Variants in JAG2 observed in about 807,000 individuals in gnomAD.
JAG2 encodes the protein jagged canonical Notch ligand 2.
In JAG2, 46 loss-of-function variants were observed where a neutral mutation model predicts 141.7. The ratio of observed to expected loss-of-function variants is 0.32; its 90% CI spans 0.26 to 0.42. The LOEUF is 0.42. JAG2 is among the 10% of genes least tolerant of loss of function. The pLI is 1.00. For missense variants in JAG2, 1,500 were observed against 1,817.5 expected, an observed-to-expected ratio of 0.83 and a Z score of 3.18; for synonymous variants, 862 against 763.5, an observed-to-expected ratio of 1.13 and a Z score of -2.13.
chr14:105,141,186 A>G lies in JAG2; in HGVS notation c.*1509T>C, dbSNP rs1888051422. The G allele has an allele frequency of 6.6e-6, 1 of 152,110 alleles. No homozygotes were observed. Among genetic ancestry groups the G allele is most frequent in the African/African-American group, 2.4e-5 (1 of 41,406 alleles). The allele number at this position is 152,110 out of a possible 1,614,324, so 9.4% of individuals were successfully genotyped here. On this transcript the variant is annotated 3_prime_UTR_variant, in exon 26 of 26. Coordinates refer to ENST00000331782, the MANE Select transcript of JAG2 (RefSeq NM_002226.5). ...CATCACTGACAGGCGGCTCGGAGTC[A>G]GCCTTGGAGTCGGCCTTCCATGCCC...
intron 1 of JAG2, 56 bp downstream of exon 1, chr14:105,168,299 G>C (rs1888986001): frequency 2.9e-6 from 2 of 687,202 alleles, no homozygotes; most frequent in East Asian, 1.2e-4. Context: ...CCGGCCCCTA[G>C]GGGCGGCCCG....
At chr14:105,158,824 G>A (rs970080049) in intron 2 of JAG2, among the ~76,000 whole-genome samples, 20 of 152,150 alleles carry the variant, frequency 1.3e-4, no homozygotes, top group African/African-American at 4.6e-4. Flanking sequence ...GGGATGCTGC[G>A]TTGGGCAGTG....
Position 105,152,026 on chromosome 14 carries a change from G to A in JAG2, c.951C>T (p.Cys317=), listed in dbSNP as rs780032169. 8.7e-6 allele frequency: 14 copies of A among 1,613,252 alleles called. No homozygotes were observed. The highest frequency in any genetic ancestry group is 1.2e-5 in the Non-Finnish European group (14 of 1,179,962). Residue 317 remains cysteine (C), a synonymous_variant, in exon 7 of 26, where the codon TGC becomes TGT. Coordinates refer to ENST00000331782, the MANE Select transcript of JAG2 (RefSeq NM_002226.5). ...DLNYCGSHHP[C]TNGGTCINAE... ...CGTTGATGCACGTGCCTCCGTTGGT[G>A]CAGGGGTGGTGGCTGCCACAGTAGT... is the stretch of plus-strand genomic sequence containing the variant.
At chr14:105,163,672 C>A (rs948913746) in intron 2 of JAG2, among the ~76,000 whole-genome samples, 13 of 151,780 alleles carry the variant, frequency 8.6e-5, no homozygotes, top group Middle Eastern at 3.4e-3. Flanking sequence ...GGGACAGTGA[C>A]CTCACTCAGA....
In JAG2 at chr14:105,143,082, C is replaced by T; in HGVS notation, c.3330G>A (p.Arg1110=). The T allele has an allele frequency of 1.2e-6, 2 of 1,600,576 alleles. No individual in the cohort carries two copies. The highest frequency in any genetic ancestry group is 1.7e-6 in the Non-Finnish European group (2 of 1,179,596). Residue 1110 remains arginine, a synonymous_variant, in exon 26 of 26, where the codon AGG becomes AGA. Transcript: ENST00000331782. ...VLCVWWTRKR[R]KERERSRLPR... The stretch of plus-strand genomic sequence containing the variant: ...GCAGCCGGCTCCTCTCCCGCTCTTT[C>T]CTGCGCTTGCGTGTCCACCACACGC...
rs1209305616 is a variant in JAG2, at chr14:105,142,842, G to A, written c.3570C>T (p.Ser1190=). 3 of 1,610,016 alleles carry A rather than the reference G, an allele frequency of 1.9e-6. No individual in the cohort carries two copies. Among genetic ancestry groups the A allele is most frequent in the South Asian group, 1.1e-5 (1 of 90,510 alleles). Residue 1190 remains serine, a synonymous_variant, in exon 26 of 26, where the codon TCC becomes TCT. Coordinates refer to ENST00000331782, the MANE Select transcript of JAG2 (RefSeq NM_002226.5). ...GTGAGAGGAACTTCTCCGCCTCCAG[G>A]GAGTCCTCCTCACCGCGGCCCAGAT... ...DEDLGRGEED[S]LEAEKFLSHK...
intron 2 of JAG2, among the ~76,000 whole-genome samples, chr14:105,162,153 G>A (rs1217442407): frequency 3.6e-4 from 55 of 152,076 alleles, no homozygotes; most frequent in Non-Finnish European, 5.9e-5. Context: ...CAAGCAGGGA[G>A]AGGAACCCAG....
At position 105,151,371 on chromosome 14, in the gene JAG2, C is replaced by T. The variant is rs147768578; in HGVS notation, c.1179G>A (p.Pro393=). The T allele has an allele frequency of 7.6e-5, 122 of 1,611,732 alleles. No individual in the cohort carries two copies. The African/African-American group carries it at 9.3e-4, about 12-fold the overall frequency. ...CCACACAGGTGCCACCGGCCGCACA[C>T]GGGTTCGAAGCACACTCATCGATGT... ...ALDIDECASN[P]CAAGGTCVDQ... Residue 393 remains proline (P), a synonymous_variant, in exon 9 of 26, where the codon CCG becomes CCA. Transcript: ENST00000331782.
chr14:105,162,693 A>T, intron 2 of JAG2, among the ~76,000 whole-genome samples: 1 of 35,144 alleles, frequency 2.8e-5, no homozygotes, highest in Non-Finnish European at 6.6e-5. Context: ...CAAGGCACCC[A>T]AAGTACAGAG....
chr14:105,149,231 A>C lies in JAG2; in HGVS notation c.1692T>G (p.Asp564Glu). Residue 564 changes from aspartate to glutamate, a missense_variant, in exon 13 of 26, where the codon GAT becomes GAG. Asp to Glu is a conservative substitution (Grantham distance 45, BLOSUM62 2). Transcript: ENST00000331782. ...CGGAGCAGTTCTTGCCACCAAAGTCATCAGGGCAGGCGCAGTAATAGTCAC... is the reference window on the plus strand; with the variant it reads ...CGGAGCAGTTCTTGCCACCAAAGTCCTCAGGGCAGGCGCAGTAATAGTCAC... ...LEGDYYCACP[D>E]DFGGKNCSVP... The C allele has an allele frequency of 1.9e-6, 3 of 1,611,986 alleles. No individual in the cohort carries two copies. Among genetic ancestry groups the C allele is most frequent in the Non-Finnish European group, 2.5e-6 (3 of 1,179,906 alleles).
chr14:105,151,816 A>AGCTG, intron 7 of JAG2, 77 bp from the exon 8 acceptor site: 2 of 1,599,502 alleles, frequency 1.3e-6, no homozygotes, highest in South Asian at 2.2e-5. Context: ...CCAAGCCCAC[A>AGCTG]GGTTCCCAAG....
rs200420004 is a variant in JAG2, at chr14:105,151,655, G to A, written c.1124C>T (p.Ser375Leu). 9.3e-6 allele frequency: 15 copies of A among 1,610,086 alleles called. No individual in the cohort carries two copies. The highest frequency in any genetic ancestry group is 1.6e-4 in the Middle Eastern group (1 of 6,062). The change falls in exon 8 of 26, where the codon TCG (serine) becomes TTG (leucine). Residue 375 changes from serine to leucine, a missense_variant. This residue lies in a region of JAG2 where 875 missense variants were observed against 1,202.2 expected (regional missense o/e 0.73). Coordinates refer to ENST00000331782, the MANE Select transcript of JAG2 (RefSeq NM_002226.5). ...GGCACAGGTGGGCCCGCTCCAGCCC[G>A]ATGGGCAGTGGCATTCGAAGCCGGA... ...VPSGFECHCP[S>L]GWSGPTCALD...
At chr14:105,143,397 AG>A in intron 25 of JAG2, 84 bp downstream of exon 25, 1 of 1,468,920 alleles carries the variant, frequency 6.8e-7, no homozygotes, top group Non-Finnish European at 9.2e-7. Context: ...GGTGGCTGGC[AG>A]GATCGGCAGG....
At chr14:105,162,135 T>A (rs1015878621) in intron 2 of JAG2, among the ~76,000 whole-genome samples, 2 of 152,028 alleles carry the variant, frequency 1.3e-5, no homozygotes, top group Non-Finnish European at 2.9e-5. Flanking sequence ...CCTGCCCAGG[T>A]TCCCCGGCAA....
rs767681243 is a variant in JAG2 at position 105,148,827 on chromosome 14, G to A, written c.1938C>T (p.Arg646=). ...NIDDCLGQPC[R]NGGTCIDEVD... ...CCTCATCGATGCATGTGCCCCCATT[G>A]CGGCAGGGCTGGCCCAGGCAGTCGT... The change falls in exon 15 of 26, where the codon CGC becomes CGT. Residue 646 remains arginine (R), a synonymous_variant. Transcript: ENST00000331782. The A allele has an allele frequency of 2.8e-5, 45 of 1,596,736 alleles. No homozygotes were observed. Among genetic ancestry groups the A allele is most frequent in the Non-Finnish European group, 6.0e-6 (7 of 1,172,478 alleles).
In JAG2 at chr14:105,145,979, C is replaced by A. The variant is rs1263155452; in HGVS notation, c.2710-6G>T. The A allele has an allele frequency of 1.5e-5, 24 of 1,592,028 alleles. No individual in the cohort carries two copies. The highest frequency in any genetic ancestry group is 2.0e-5 in the Non-Finnish European group (24 of 1,171,912). ...GGCTTCCATCCGCACCACACCTGGGCAGGCACGCACAGGAGGGTCAGGCGC... is the reference window on the plus strand; with the variant it reads ...GGCTTCCATCCGCACCACACCTGGGAAGGCACGCACAGGAGGGTCAGGCGC... On this transcript the variant is annotated splice_region_variant and splice_polypyrimidine_tract_variant and intron_variant, in intron 22 of 25. Transcript: ENST00000331782.
chr14:105,167,018 G>A lies in JAG2; in HGVS notation c.417+739C>T, dbSNP rs1888932938. ...CACTGGGATGAGTACCTGTTTCCCA[G>A]TGACACTGGACCCCTACCACCCCTC... On this transcript the variant is annotated intron_variant, in intron 2 of 25. Transcript: ENST00000331782. The surrounding 1 kb of genome is among the most constrained non-coding windows in gnomAD (Gnocchi z 4.8). 1.3e-5 allele frequency among the ~76,000 whole-genome samples: 2 copies of A among 152,136 alleles called. No homozygotes were observed. The highest frequency in any genetic ancestry group is 4.8e-5 in the African/African-American group (2 of 41,420).
chr14:105,145,432 G>A (rs1031243373), intron 23 of JAG2, among the ~76,000 whole-genome samples: 23 of 152,330 alleles, frequency 1.5e-4, no homozygotes, highest in African/African-American at 3.1e-4. Context: ...AACTGCCCAC[G>A]GAGCTACAGC....
chr14:105,164,251 C>A (rs1454994572), intron 2 of JAG2, among the ~76,000 whole-genome samples: 1 of 152,186 alleles, frequency 6.6e-6, no homozygotes, highest in African/African-American at 2.4e-5. Flanking sequence ...GTTGCCTGGG[C>A]ACTGAATGCC....
Sources: allele counts gnomAD v4.1 joint callset (sites outside exome capture counted in the v4.1 genomes callset), GRCh38; gene constraint gnomAD v4.1.1; regional missense constraint gnomAD v4.1.1; non-coding constraint Gnocchi (gnomAD v3.1); transcripts MANE v1.5; gene names NCBI Gene and HGNC (gene_info 2026-07-23, HGNC 2026-07-21).